The following DET1 variants were observed in gnomAD, a reference collection of about 807,000 sequenced individuals.
DET1 encodes the protein DET1 partner of COP1 E3 ubiquitin ligase.
DET1 carries 22 observed loss-of-function variants against 43.7 expected under a neutral mutation model. The observed-to-expected ratio is 0.50, with a 90% confidence interval of 0.36 to 0.72. The LOEUF (loss-of-function observed/expected upper bound fraction) is 0.72. Among genes scored for constraint, DET1 ranks in the 30% least tolerant of loss-of-function variants. The pLI is 0.00. For synonymous variants in DET1, 315 were observed against 266.2 expected (o/e 1.18, Z -1.79); for missense variants, 713 against 713.3 (o/e 1.00, Z 0.00).
intron 1 of DET1, among the ~76,000 whole-genome samples, chr15:88,533,852 T>TAAAAAAAAAAAA (rs368408722): frequency 1.5e-4 from 6 of 39,214 alleles, no homozygotes; most frequent in African/African-American, 2.2e-4. Flanking sequence ...ACCCAATCTC[T>TAAAAAAAAAAAA]AAAAAAAAAA....
chr15:88,523,460 C>A (rs1211815812), intron 3 of DET1, among the ~76,000 whole-genome samples: 1 of 152,168 alleles, frequency 6.6e-6, no homozygotes. Context: ...TCCCTCTTCT[C>A]CCCTTTACAC....
intron 1 of DET1, among the ~76,000 whole-genome samples, chr15:88,545,766 C>T (rs1365579199): frequency 6.6e-6 from 1 of 151,766 alleles, no homozygotes; most frequent in African/African-American, 2.4e-5. Flanking sequence ...TTTAGACTCT[C>T]CCTTAGCTAA....
At chr15:88,537,301 A>G (rs189452774) in intron 1 of DET1, among the ~76,000 whole-genome samples, 1 of 152,348 alleles carries the variant, frequency 6.6e-6, no homozygotes, top group East Asian at 1.9e-4. Flanking sequence ...ATACTGATCT[A>G]GACTAGAGCA....
chr15:88,531,122 A>G lies in DET1; in HGVS notation c.584T>C (p.Ile195Thr). 1 of 1,613,962 alleles carries G rather than the reference A, an allele frequency of 6.2e-7. No individual in the cohort carries two copies. Among genetic ancestry groups the G allele is most frequent in the Non-Finnish European group, 8.5e-7 (1 of 1,179,872 alleles). ...RSPLEDYSLH[I>T]IDLHTGRLCD... is the part of the protein sequence containing the mutation. The stretch of plus-strand genomic sequence containing the variant: ...TAAGCGGCCGGTGTGAAGGTCAATG[A>G]TATGGAGGGAATAGTCTTCTAGAGG... The change falls in exon 2 of 5, where the codon ATC becomes ACC. Residue 195 changes from isoleucine to threonine, a missense_variant. Physicochemically the swap from Ile to Thr is moderately conservative, Grantham distance 89. Transcript: ENST00000268148. The surrounding 1 kb of genome is among the most constrained non-coding windows in gnomAD (Gnocchi z 6.2).
At chr15:88,511,367 CT>C, downstream of DET1, 2 of 975,756 alleles carry the variant, frequency 2.0e-6, no homozygotes, top group Non-Finnish European at 2.4e-6. Flanking sequence ...CTCAGTCTAC[CT>C]GTTCAGTCAC....
At chr15:88,536,630 T>C (rs2056958120) in intron 1 of DET1, among the ~76,000 whole-genome samples, 1 of 151,366 alleles carries the variant, frequency 6.6e-6, no homozygotes, top group African/African-American at 2.4e-5. Flanking sequence ...ATACAAAAAT[T>C]AGCTGGGCAT....
chr15:88,507,545 G>C (rs2056154369), downstream of DET1, among the ~76,000 whole-genome samples: 1 of 152,192 alleles, frequency 6.6e-6, no homozygotes, highest in African/African-American at 2.4e-5. Flanking sequence ...AATCACGATA[G>C]TCCCATACTC....
intron 3 of DET1, among the ~76,000 whole-genome samples, chr15:88,526,245 C>A (rs746558164): frequency 6.6e-6 from 1 of 152,184 alleles, no homozygotes; most frequent in African/African-American, 2.4e-5. Flanking sequence ...TTCCCAGTGG[C>A]AGTAATGCTT....
intron 1 of DET1, among the ~76,000 whole-genome samples, chr15:88,532,417 C>CTAT (rs1280776962): frequency 6.6e-6 from 1 of 152,198 alleles, no homozygotes; most frequent in East Asian, 1.9e-4. Context: ...AATACAAACC[C>CTAT]TATCAAAATC....
chr15:88,507,414 T>C (rs1567054518), intron 7 of DET1, among the ~76,000 whole-genome samples: 1 of 152,224 alleles, frequency 6.6e-6, no homozygotes, highest in Non-Finnish European at 1.5e-5. Flanking sequence ...TATCTATCCA[T>C]TTATTTGACT....
At chr15:88,536,443 G>A in intron 1 of DET1, 1 of 667,782 alleles carries the variant, frequency 1.5e-6, no homozygotes, top group Non-Finnish European at 2.7e-6. Context: ...AGCAACAATT[G>A]GTATGAGCCT....
intron 1 of DET1, among the ~76,000 whole-genome samples, chr15:88,545,938 C>A (rs1001826176): frequency 2.0e-5 from 3 of 151,228 alleles, no homozygotes; most frequent in African/African-American, 4.9e-5. Context: ...TGATTGATAA[C>A]ACCCAAAGCC....
intron 1 of DET1, among the ~76,000 whole-genome samples, chr15:88,543,117 C>A (rs1411740847): frequency 1.3e-5 from 2 of 152,178 alleles, no homozygotes; most frequent in African/African-American, 4.8e-5. Flanking sequence ...CTGCTTTAGG[C>A]CTCCCAGATA....
In DET1 at chr15:88,531,633, G is replaced by T. The variant is rs534055960; in HGVS notation, c.73C>A (p.Arg25=). Residue 25 remains arginine (R), a synonymous_variant, in exon 2 of 5, where the codon CGG becomes AGG. Coordinates refer to ENST00000268148, the MANE Select transcript of DET1 (RefSeq NM_001144074.3). The surrounding 1 kb of genome is among the most constrained non-coding windows in gnomAD (Gnocchi z 6.2). The part of the protein sequence containing the change: ...NQNVIHRLER[R]RISSGKAGTH... ...CCTGCCTTGCCTGAACTGATCCGCC[G>T]GCGTTCCAAGCGGTGAATGACATTT... is the stretch of plus-strand genomic sequence containing the variant. 1 of 1,613,960 alleles carries T rather than the reference G, an allele frequency of 6.2e-7. No homozygotes were observed. The highest frequency in any genetic ancestry group is 1.1e-5 in the South Asian group (1 of 91,086).
intron 1 of DET1, among the ~76,000 whole-genome samples, chr15:88,534,809 G>A (rs1242529766): frequency 6.6e-6 from 1 of 152,178 alleles, no homozygotes; most frequent in Non-Finnish European, 1.5e-5. Context: ...AAGCTAATTA[G>A]GTAGATTGCC....
intron 2 of DET1, 146 bp downstream of exon 2, chr15:88,530,477 G>T: frequency 7.4e-7 from 1 of 1,345,070 alleles, no homozygotes; most frequent in Non-Finnish European, 9.8e-7. Flanking sequence ...GAGAAAAATG[G>T]AGCTGATTTT....
chr15:88,527,717 C>G lies in DET1; in HGVS notation c.1153G>C (p.Glu385Gln). ...VIAVFENTSD[E>Q]LLELFENFCD... ...AAGTTCTCAAAGAGCTCCAAAAGCTCATCTGATGTATTCTCAAACACAGCA... is the reference window on the plus strand; with the variant it reads ...AAGTTCTCAAAGAGCTCCAAAAGCTGATCTGATGTATTCTCAAACACAGCA... Residue 385 changes from glutamate to glutamine, a missense_variant, in exon 3 of 5, where the codon GAG becomes CAG. Transcript: ENST00000268148. The G allele has an allele frequency of 1.2e-6, 2 of 1,613,880 alleles. No individual in the cohort carries two copies. The highest frequency in any genetic ancestry group is 1.7e-6 in the Non-Finnish European group (2 of 1,179,836).
chr15:88,507,723 G>A (rs2056156365), downstream of DET1, among the ~76,000 whole-genome samples: 1 of 152,218 alleles, frequency 6.6e-6, no homozygotes, highest in African/African-American at 2.4e-5. Flanking sequence ...TGCCCTATGA[G>A]CGTACTCAAA....
At chr15:88,543,992 T>C (rs1158593685) in intron 1 of DET1, among the ~76,000 whole-genome samples, 2 of 152,168 alleles carry the variant, frequency 1.3e-5, no homozygotes, top group African/African-American at 4.8e-5. Context: ...TAGGTACAAA[T>C]AGCTTCTAGT....
Sources: allele counts gnomAD v4.1 joint callset (sites outside exome capture counted in the v4.1 genomes callset), GRCh38; gene constraint gnomAD v4.1.1; non-coding constraint Gnocchi (gnomAD v3.1); transcripts MANE v1.5; gene names NCBI Gene and HGNC (gene_info 2026-07-23, HGNC 2026-07-21).